Variants in SLC27A4 observed in about 807,000 individuals in gnomAD.
SLC27A4 encodes long-chain fatty acid transport protein 4.
SLC27A4 carries 33 observed loss-of-function variants against 64.4 expected under a neutral mutation model. That is an observed-to-expected ratio of 0.51 (90% confidence interval 0.39 to 0.68). The LOEUF (loss-of-function observed/expected upper bound fraction) is 0.68, where lower values mean the gene tolerates loss of function less well. Among genes scored for constraint, SLC27A4 ranks in the 30% least tolerant of loss-of-function variants. The probability of loss-of-function intolerance (pLI) is 0.00; values close to 1 mark genes in which losing one functional copy is unlikely to be tolerated. For missense variants in SLC27A4, 824 were observed against 883.5 expected, an observed-to-expected ratio of 0.93 and a Z score of 0.85; for synonymous variants, 377 against 370.0, an observed-to-expected ratio of 1.02 and a Z score of -0.22.
chr9:128,359,390 G>T (rs1471300148), intron 12 of SLC27A4, among the ~76,000 whole-genome samples: 7 of 152,134 alleles, frequency 4.6e-5, no homozygotes. Context: ...TTGGGAGGTC[G>T]AGGAGGGTGG....
At chr9:128,348,279 A>G (rs963034661) in intron 3 of SLC27A4, among the ~76,000 whole-genome samples, 2 of 152,146 alleles carry the variant, frequency 1.3e-5, no homozygotes, top group African/African-American at 2.4e-5. Flanking sequence ...CAATCTTCTC[A>G]TCTGTAAGAG....
chr9:128,355,800 T>TG lies in SLC27A4; in HGVS notation c.1774+5dup, dbSNP rs766251993. On this transcript the variant is annotated splice_donor_region_variant and intron_variant, in intron 12 of 12. Transcript: ENST00000300456. ...CTGCCTGAGCTGCACAAAACAGGTG[T>TG]GTCCCTCCCCTGCTCCAGCTCTCGG... The TG allele has an allele frequency of 3.7e-6, 6 of 1,612,942 alleles. No homozygotes were observed. Among genetic ancestry groups the TG allele is most frequent in the Non-Finnish European group, 5.1e-6 (6 of 1,180,032 alleles).
chr9:128,356,921 G>A (rs1292332813), intron 12 of SLC27A4, among the ~76,000 whole-genome samples: 1 of 151,976 alleles, frequency 6.6e-6, no homozygotes, highest in African/African-American at 2.4e-5. Flanking sequence ...ATGAAACCCC[G>A]TCTCTACCAA....
Position 128,342,990 on chromosome 9 carries a change from C to T in SLC27A4, c.-6-137C>T. ...AAGCCTGGAAAGGGACCCCTGTGGT[C>T]AGTCACCCAACTCAGTATGGCTAAG... On this transcript the variant is annotated intron_variant, in intron 1 of 12. Transcript: ENST00000300456. The T allele has an allele frequency of 2.7e-6, 3 of 1,125,040 alleles. No individual in the cohort carries two copies. In the South Asian group the frequency reaches 4.1e-5, roughly 16 times the overall value. The allele number at this position is 1,125,040 out of a possible 1,614,324, so 69.7% of individuals were successfully genotyped here.
chr9:128,345,618 C>T lies in SLC27A4; in HGVS notation c.556+69C>T, dbSNP rs1832645894. 3 of 1,491,292 alleles carry T rather than the reference C, an allele frequency of 2.0e-6. No individual in the cohort carries two copies. Among genetic ancestry groups the T allele is most frequent in the Non-Finnish European group, 2.7e-6 (3 of 1,120,624 alleles). The allele number at this position is 1,491,292 out of a possible 1,614,324, so 92.4% of individuals were successfully genotyped here. On this transcript the variant is annotated intron_variant, in intron 3 of 12. Coordinates refer to ENST00000300456, the MANE Select transcript of SLC27A4 (RefSeq NM_005094.4). The surrounding 1 kb of genome is among the most constrained non-coding windows in gnomAD (Gnocchi z 4.1). ...TCTTACACAGACCACAGCTCCCTTCCAGCCCTGCCAAGGCTGTGTGGGTCA... is the reference window on the plus strand; with the variant it reads ...TCTTACACAGACCACAGCTCCCTTCTAGCCCTGCCAAGGCTGTGTGGGTCA...
rs897825957 is a variant in SLC27A4, at chr9:128,353,783, G to A, written c.1324+242G>A. Among the ~76,000 whole-genome samples the A allele has an allele frequency of 6.1e-5, 9 of 147,186 alleles. No individual in the cohort carries two copies. The highest frequency in any genetic ancestry group is 1.0e-4 in the Non-Finnish European group (7 of 67,362). On this transcript the variant is annotated intron_variant, in intron 9 of 12. Coordinates refer to ENST00000300456, the MANE Select transcript of SLC27A4 (RefSeq NM_005094.4). This position sits in a 1 kb window ranked among gnomAD's most constrained non-coding sequence, Gnocchi z 4.9. Reference sequence around the variant, plus strand: ...ATTTGAGACGGAGTCTCGCTCTGTCGCCCAGGCTGGAGTGCAGTGGCGGGA... The same window carrying A: ...ATTTGAGACGGAGTCTCGCTCTGTCACCCAGGCTGGAGTGCAGTGGCGGGA...
Position 128,352,617 on chromosome 9 carries a change from G to GGAT in SLC27A4, c.878-20_878-19insATG, listed in dbSNP as rs748363540. The GGAT allele has an allele frequency of 1.3e-5, 20 of 1,591,658 alleles. 1 individual carries two copies. Among genetic ancestry groups the GGAT allele is most frequent in the South Asian group, 3.3e-5 (3 of 90,578 alleles). ...GGGTCTTCATCTCGCTGACCCTCAG[G>GGAT]GGCCATCCCTCTGCCTCCAGGAAAC... On this transcript the variant is annotated intron_variant, in intron 6 of 12. Transcript: ENST00000300456.
chr9:128,340,895 G>A (rs2131245669), intron 1 of SLC27A4, 57 bp downstream of exon 1: 1 of 549,534 alleles, frequency 1.8e-6, no homozygotes. Context: ...AGGCCGAGTC[G>A]GGCGAGGTGG....
Position 128,348,563 on chromosome 9 carries a change from C to T in SLC27A4, c.575C>T (p.Ala192Val). ...EMASAICEVH[A>V]SLDPSLSLFC... is the part of the protein sequence containing the mutation. The stretch of plus-strand genomic sequence containing the variant: ...CCCACAGCCATCTGTGAGGTCCATG[C>T]CAGCCTGGACCCCTCGCTCAGCCTC... Residue 192 changes from alanine to valine, a missense_variant, in exon 4 of 13, where the codon GCC becomes GTC. Coordinates refer to ENST00000300456, the MANE Select transcript of SLC27A4 (RefSeq NM_005094.4). The T allele has an allele frequency of 6.2e-7, 1 of 1,613,206 alleles. No individual in the cohort carries two copies. Among genetic ancestry groups the T allele is most frequent in the Non-Finnish European group, 8.5e-7 (1 of 1,180,046 alleles).
At position 128,342,249 on chromosome 9, in the gene SLC27A4, T is replaced by C. The variant is rs562150283; in HGVS notation, c.-6-878T>C. The C allele has an allele frequency of 3.8e-5, 61 of 1,610,682 alleles. No individual in the cohort carries two copies. The East Asian group carries it at 1.2e-3, about 33-fold the overall frequency. On this transcript the variant is annotated intron_variant, in intron 1 of 12. Coordinates refer to ENST00000300456, the MANE Select transcript of SLC27A4 (RefSeq NM_005094.4). Reference sequence around the variant, plus strand: ...CCGCAACCATGTCTGACAAACCCGATATGGCTGAGATTGAGAAATTCGATA... The same window carrying C: ...CCGCAACCATGTCTGACAAACCCGACATGGCTGAGATTGAGAAATTCGATA...
At chr9:128,352,252 AGT>A (rs1234780378) in intron 6 of SLC27A4, among the ~76,000 whole-genome samples, 1 of 151,902 alleles carries the variant, frequency 6.6e-6, no homozygotes, top group South Asian at 2.1e-4. Context: ...CCAGCCTCAC[AGT>A]GTGTGTGGCA....
Position 128,355,533 on chromosome 9 carries a change from A to C in SLC27A4, c.1598A>C (p.Asp533Ala). The C allele has an allele frequency of 6.2e-6, 10 of 1,612,378 alleles. No individual in the cohort carries two copies. Among genetic ancestry groups the C allele is most frequent in the Non-Finnish European group, 8.5e-6 (10 of 1,180,000 alleles). ...GTLSRLLDMADVAVYGVEVPG... is the reference protein window; with the variant it reads ...GTLSRLLDMAAVAVYGVEVPG... Reference sequence around the variant, plus strand: ...CTCAGCCGCCTGCTGGACATGGCTGACGTGGCCGTGTATGGTGTCGAGGTG... The same window carrying C: ...CTCAGCCGCCTGCTGGACATGGCTGCCGTGGCCGTGTATGGTGTCGAGGTG... Residue 533 changes from aspartate to alanine, a missense_variant, in exon 11 of 13, where the codon GAC becomes GCC. Coordinates refer to ENST00000300456, the MANE Select transcript of SLC27A4 (RefSeq NM_005094.4).
chr9:128,352,560 G>A, intron 6 of SLC27A4, 78 bp from the exon 7 acceptor site: 1 of 1,149,012 alleles, frequency 8.7e-7, no homozygotes, highest in Non-Finnish European at 1.3e-6. Flanking sequence ...CTGCCTGGCT[G>A]GATGGCAGTA....
In SLC27A4 at chr9:128,340,834, GCCGGGTGAGCATAGA is replaced by G; in HGVS notation, c.-7+2_-7+16del. The G allele has an allele frequency of 1.5e-6, 1 of 686,164 alleles. No individual in the cohort carries two copies. The highest frequency in any genetic ancestry group is 2.7e-6 in the Non-Finnish European group (1 of 371,894). 42.5% of individuals were successfully genotyped at this position (686,164 alleles called of 1,614,324 possible). Reference sequence around the variant, plus strand: ...CGGGGCGCCGCGCGGCGGAGCCGACGCCGGGTGAGCATAGACCGGGCTGGTGGGTTCCCGGGTGGG... The same window carrying G: ...CGGGGCGCCGCGCGGCGGAGCCGACGCCGGGCTGGTGGGTTCCCGGGTGGG... On this transcript the variant is annotated splice_donor_variant and splice_donor_5th_base_variant and 5_prime_UTR_variant and intron_variant, in exon 1 of 13. Coordinates refer to ENST00000300456, the MANE Select transcript of SLC27A4 (RefSeq NM_005094.4). LOFTEE classifies it low-confidence loss of function (5UTR_SPLICE).
intron 12 of SLC27A4, among the ~76,000 whole-genome samples, chr9:128,359,677 C>T (rs924395178): frequency 1.3e-5 from 2 of 151,992 alleles, no homozygotes; most frequent in Non-Finnish European, 2.9e-5. Flanking sequence ...CAGTGGTGCA[C>T]ACCTATAGTC....
At chr9:128,341,843 A>G (rs1331816673) in intron 1 of SLC27A4, among the ~76,000 whole-genome samples, 2 of 152,078 alleles carry the variant, frequency 1.3e-5, no homozygotes, top group Non-Finnish European at 2.9e-5. Context: ...GGTTCAAGCA[A>G]TTCTTCTGCC....
At position 128,355,758 on chromosome 9, in the gene SLC27A4, C is replaced by G; in HGVS notation, c.1736C>G (p.Pro579Arg). The G allele has an allele frequency of 1.2e-6, 2 of 1,613,806 alleles. No individual in the cohort carries two copies. The highest frequency in any genetic ancestry group is 4.5e-5 in the East Asian group (2 of 44,870). The part of the protein sequence containing the change: ...LEKELPLYAR[P>R]IFLRLLPELH... ...AAGGAACTGCCCCTGTATGCGCGCCCCATCTTCCTGCGCCTCCTGCCTGAG... is the reference window on the plus strand; with the variant it reads ...AAGGAACTGCCCCTGTATGCGCGCCGCATCTTCCTGCGCCTCCTGCCTGAG... Residue 579 changes from proline (P) to arginine (R), a missense_variant, in exon 12 of 13, where the codon CCC becomes CGC. Pro to Arg is a moderately radical substitution (Grantham distance 103). Transcript: ENST00000300456.
At chr9:128,341,511 T>C (rs1832571741) in intron 1 of SLC27A4, among the ~76,000 whole-genome samples, 1 of 152,176 alleles carries the variant, frequency 6.6e-6, no homozygotes, top group Non-Finnish European at 1.5e-5. Flanking sequence ...TTCAAGGTCC[T>C]CCTCGCCTCC....
intron 3 of SLC27A4, among the ~76,000 whole-genome samples, chr9:128,348,139 T>C (rs1357583345): frequency 3.3e-5 from 5 of 152,116 alleles, no homozygotes; most frequent in Non-Finnish European, 4.4e-5. Context: ...CCCTTCTATC[T>C]GGTGCACCAC....
Sources: allele counts gnomAD v4.1 joint callset (sites outside exome capture counted in the v4.1 genomes callset), GRCh38; gene constraint gnomAD v4.1.1; non-coding constraint Gnocchi (gnomAD v3.1); transcripts MANE v1.5; gene names NCBI Gene and HGNC (gene_info 2026-07-23, HGNC 2026-07-21).